The following ZNF385D variants were observed in gnomAD, a reference collection of about 807,000 sequenced individuals.
ZNF385D encodes zinc finger protein 385D.
A neutral mutation model predicts 35.8 loss-of-function variants in ZNF385D; 15 were observed. The observed-to-expected ratio is 0.42, with a 90% confidence interval of 0.28 to 0.64. ZNF385D has a LOEUF of 0.64. Ranked by LOEUF, ZNF385D falls within the 30% of genes least tolerant of loss-of-function variation. The pLI is 0.23. For synonymous variants in ZNF385D, 212 were observed against 186.8 expected (o/e 1.13, Z -1.10); for missense variants, 474 against 494.6 (o/e 0.96, Z 0.39).
At chr3:22,168,773 A>T (rs1413184508) in intron 3 of ZNF385D, 2 of 971,222 alleles carry the variant, frequency 2.1e-6, no homozygotes, top group Non-Finnish European at 2.4e-6. Flanking sequence ...AAATAACTTA[A>T]ATTGATGATG....
At chr3:22,236,113 C>A (rs1230081153) in intron 2 of ZNF385D, among the ~76,000 whole-genome samples, 1 of 151,948 alleles carries the variant, frequency 6.6e-6, no homozygotes, top group African/African-American at 2.4e-5. Context: ...AATAATAATA[C>A]AAATTTTTAA....
intron 3 of ZNF385D, among the ~76,000 whole-genome samples, chr3:21,988,556 C>T (rs1694952202): frequency 6.7e-6 from 1 of 149,752 alleles, no homozygotes; most frequent in African/African-American, 2.4e-5. Context: ...GCTGGGAGAA[C>T]CACTGCTCTG....
intron 3 of ZNF385D, among the ~76,000 whole-genome samples, chr3:21,908,200 G>A (rs1322002764): frequency 6.7e-6 from 1 of 148,954 alleles, no homozygotes; most frequent in Non-Finnish European, 1.5e-5. Context: ...CTAGGGAACA[G>A]GAAAAGAAAG....
chr3:22,036,522 A>C (rs1034779341), intron 3 of ZNF385D, among the ~76,000 whole-genome samples: 2 of 152,156 alleles, frequency 1.3e-5, no homozygotes, highest in African/African-American at 2.4e-5. Flanking sequence ...GGAAAAATGG[A>C]AAGAAATAGT....
At chr3:22,362,964 C>A (rs901149209) in intron 2 of ZNF385D, among the ~76,000 whole-genome samples, 3 of 152,092 alleles carry the variant, frequency 2.0e-5, no homozygotes, top group African/African-American at 7.2e-5. Flanking sequence ...TCTCTACTGT[C>A]ACAGAACTCA....
intron 2 of ZNF385D, among the ~76,000 whole-genome samples, chr3:22,262,874 G>C (rs1291173237): frequency 1.3e-5 from 2 of 151,848 alleles, no homozygotes; most frequent in Non-Finnish European, 2.9e-5. Flanking sequence ...CTTCTCCCCA[G>C]ATCTTTCTCA....
intron 1 of ZNF385D, among the ~76,000 whole-genome samples, chr3:21,677,221 G>A (rs2066756799): frequency 6.6e-6 from 1 of 152,052 alleles, no homozygotes; most frequent in South Asian, 2.1e-4. Context: ...ATCTGAGGCA[G>A]CTTTTGGGAG....
chr3:22,039,583 T>C (rs541048816), intron 3 of ZNF385D, among the ~76,000 whole-genome samples: 1 of 152,200 alleles, frequency 6.6e-6, no homozygotes, highest in African/African-American at 2.4e-5. Context: ...TATAAAAATC[T>C]AGGCATTAAG....
chr3:22,102,821 C>T (rs1398302653), intron 3 of ZNF385D, among the ~76,000 whole-genome samples: 2 of 151,434 alleles, frequency 1.3e-5, no homozygotes, highest in East Asian at 3.9e-4. Flanking sequence ...TGCGAAAGGA[C>T]TCATTACTAG....
chr3:21,904,050 A>T (rs1699547717), intron 3 of ZNF385D, among the ~76,000 whole-genome samples: 1 of 152,124 alleles, frequency 6.6e-6, no homozygotes, highest in South Asian at 2.1e-4. Context: ...CACGCCTGTA[A>T]TCCCAGTACT....
chr3:21,497,904 C>G lies in ZNF385D; in HGVS notation c.439+12957G>C, dbSNP rs558708522. ...ACTCTTACGGAACCAGAAAAGAACC[C>G]AAATAGCCAAAGCAATCCTAAGCAA... On this transcript the variant is annotated intron_variant, in intron 4 of 7. Coordinates refer to ENST00000281523, the MANE Select transcript of ZNF385D (RefSeq NM_024697.3). Among the ~76,000 whole-genome samples the G allele has an allele frequency of 1.1e-3, 172 of 151,898 alleles. 1 individual carries two copies. Among genetic ancestry groups the G allele is most frequent in the African/African-American group, 4.1e-3 (169 of 41,440 alleles).
intron 1 of ZNF385D, among the ~76,000 whole-genome samples, chr3:21,686,904 A>G (rs938884195): frequency 6.6e-6 from 1 of 152,204 alleles, no homozygotes; most frequent in African/African-American, 2.4e-5. Flanking sequence ...TACAGCCACT[A>G]GTACTTGCTG....
chr3:22,097,227 T>C (rs977398085), intron 3 of ZNF385D, among the ~76,000 whole-genome samples: 4 of 152,096 alleles, frequency 2.6e-5, no homozygotes, highest in African/African-American at 7.2e-5. Context: ...TTTATATCAA[T>C]ACATTTTGAG....
chr3:22,059,973 T>TG (rs1699608968), intron 3 of ZNF385D, among the ~76,000 whole-genome samples: 2 of 152,012 alleles, frequency 1.3e-5, no homozygotes, highest in Non-Finnish European at 2.9e-5. Context: ...GAAGGGAGGG[T>TG]GACTTTTCTC....
At chr3:21,890,542 C>T (rs1413112852) in intron 3 of ZNF385D, among the ~76,000 whole-genome samples, 1 of 152,110 alleles carries the variant, frequency 6.6e-6, no homozygotes, top group Non-Finnish European at 1.5e-5. Flanking sequence ...TTGCTGGAAC[C>T]TGGGAGGCGG....
chr3:22,246,185 T>C (rs1203663865), intron 2 of ZNF385D, among the ~76,000 whole-genome samples: 2 of 152,182 alleles, frequency 1.3e-5, no homozygotes, highest in Non-Finnish European at 2.9e-5. Context: ...AGAAACATAC[T>C]TTTCTTTTCA....
intron 3 of ZNF385D, among the ~76,000 whole-genome samples, chr3:21,791,621 G>T (rs2071929323): frequency 6.6e-6 from 1 of 152,076 alleles, no homozygotes; most frequent in Admixed American, 6.5e-5. Context: ...AGCTCTAACG[G>T]TTTTCACTAT....
chr3:22,308,563 A>C (rs1703361807), intron 2 of ZNF385D, among the ~76,000 whole-genome samples: 1 of 151,996 alleles, frequency 6.6e-6, no homozygotes, highest in African/African-American at 2.4e-5. Flanking sequence ...AGTTTCCTAA[A>C]GGTGTAACAC....
At chr3:21,589,404 G>T (rs954471374) in intron 2 of ZNF385D, among the ~76,000 whole-genome samples, 4 of 152,100 alleles carry the variant, frequency 2.6e-5, no homozygotes, top group Non-Finnish European at 5.9e-5. Context: ...ATAAAGAAAT[G>T]AATTTTGTAC....
Sources: allele counts gnomAD v4.1 joint callset (sites outside exome capture counted in the v4.1 genomes callset), GRCh38; gene constraint gnomAD v4.1.1; transcripts MANE v1.5; gene names NCBI Gene and HGNC (gene_info 2026-07-23, HGNC 2026-07-21).